ZBTB25: variants seen among roughly 807,000 people sequenced by gnomAD.
The protein encoded by ZBTB25 is zinc finger and BTB domain-containing protein 25.
A neutral mutation model predicts 34.2 loss-of-function variants in ZBTB25; 20 were observed. The observed-to-expected ratio is 0.58, with a 90% CI of 0.41 to 0.85. ZBTB25 has a LOEUF of 0.85. Ranked by LOEUF, ZBTB25 falls within the 40% of genes least tolerant of loss-of-function variation. The pLI is 0.00. For missense variants in ZBTB25, 437 were observed against 521.8 expected (o/e 0.84, Z 1.58); for synonymous variants, 175 against 186.4 (o/e 0.94, Z 0.50).
chr14:64,466,237 A>T (rs1327309549), intron 2 of ZBTB25, among the ~76,000 whole-genome samples: 2 of 152,222 alleles, frequency 1.3e-5, no homozygotes, highest in Non-Finnish European at 2.9e-5. Flanking sequence ...GCTGGTTAAG[A>T]GCGAATCATT....
At chr14:64,453,451 A>G (rs2078410848) in intron 2 of ZBTB25, among the ~76,000 whole-genome samples, 1 of 152,038 alleles carries the variant, frequency 6.6e-6, no homozygotes, top group Non-Finnish European at 1.5e-5. Flanking sequence ...CATGCCTATA[A>G]TCCCAGCTAC....
chr14:64,472,745 A>G (rs1347749043), intron 2 of ZBTB25: 1 of 166,822 alleles, frequency 6.0e-6, no homozygotes, highest in African/African-American at 2.4e-5. Flanking sequence ...TTATAGAAAT[A>G]TGCAGAAATC....
chr14:64,456,677 C>G (rs1470429264), intron 2 of ZBTB25, among the ~76,000 whole-genome samples: 1 of 152,214 alleles, frequency 6.6e-6, no homozygotes, highest in Non-Finnish European at 1.5e-5. Context: ...ATCCTTTCCT[C>G]TCTCCTACTT....
chr14:64,450,546 T>C (rs1375800898), intron 2 of ZBTB25, among the ~76,000 whole-genome samples: 1 of 152,248 alleles, frequency 6.6e-6, no homozygotes, highest in Non-Finnish European at 1.5e-5. Context: ...GTTCTTATTA[T>C]AGGGTTGTGT....
At chr14:64,475,841 G>A (rs117433871), downstream of ZBTB25, among the ~76,000 whole-genome samples, 255 of 152,288 alleles carry the variant, frequency 1.7e-3, no homozygotes, top group Non-Finnish European at 2.9e-3. Context: ...AACAATGGGA[G>A]CAGTGTCCAG....
Position 64,496,330 on chromosome 14 carries a change from A to C in ZBTB25, c.-7-5790T>G, listed in dbSNP as rs186575455. On this transcript the variant is annotated intron_variant, in intron 1 of 2. Coordinates refer to ENST00000608382, the MANE Select transcript of ZBTB25 (RefSeq NM_006977.5). ...AAACCCCGTCTCTACTAAAAATACA[A>C]AAAAAAAAGCTGGGCACAGTGGCGT... Among the ~76,000 whole-genome samples the C allele has an allele frequency of 7.2e-3, 1,075 of 150,064 alleles. 9 individuals are homozygous for C. Among genetic ancestry groups the C allele is most frequent in the African/African-American group, 0.025 (1,024 of 40,762 alleles).
intron 1 of ZBTB25, among the ~76,000 whole-genome samples, chr14:64,500,740 T>C (rs893277338): frequency 4.6e-5 from 7 of 150,668 alleles, no homozygotes; most frequent in Non-Finnish European, 1.5e-5. Flanking sequence ...CAAATGTCCA[T>C]GGATAGTCAA....
intron 2 of ZBTB25, chr14:64,468,799 G>A: frequency 6.2e-7 from 1 of 1,614,080 alleles, no homozygotes; most frequent in South Asian, 1.1e-5. Flanking sequence ...TCCCAAGAGG[G>A]CCAAAAAGGA....
chr14:64,453,143 T>G lies in ZBTB25; in HGVS notation c.174-3505A>C, dbSNP rs181780896. On this transcript the variant is annotated intron_variant, in intron 2 of 2. Transcript: ENST00000555220. Reference sequence around the variant, plus strand: ...CTTATGTAAGTATATATTTAAAACCTTAATATATATTAATATGTGTATCTA... The same window carrying G: ...CTTATGTAAGTATATATTTAAAACCGTAATATATATTAATATGTGTATCTA... 5.7e-4 allele frequency among the ~76,000 whole-genome samples: 86 copies of G among 152,128 alleles called. 2 individuals are homozygous for G. The East Asian group carries it at 0.016, about 29-fold the overall frequency.
chr14:64,488,201 G>C lies in ZBTB25; in HGVS notation c.174-144C>G, dbSNP rs1293077109. 3.9e-6 allele frequency: 5 copies of C among 1,295,498 alleles called. No homozygotes were observed. In the South Asian group the frequency reaches 4.7e-5, roughly 12 times the overall value. 80.3% of individuals were successfully genotyped at this position (1,295,498 alleles called of 1,614,324 possible). A position where few individuals can be genotyped will look rare whatever the true frequency, so the allele number is the denominator to read the frequency against. On this transcript the variant is annotated intron_variant, in intron 2 of 2. Transcript: ENST00000608382. ...GCCTTAATAAAACATGGCAACAAAG[G>C]CTTAAACTTTCATTTTATACCAACT...
rs2078801248 is a variant in ZBTB25 at position 64,482,036 on chromosome 14, CTA to C, written c.*4885_*4886del. On this transcript the variant is annotated 3_prime_UTR_variant, in exon 3 of 3. Transcript: ENST00000608382. ...TTAACGAAATTACACATTTTTCACACTATCTTTTTCCACGATTAATATGTATT... is the reference window on the plus strand; with the variant it reads ...TTAACGAAATTACACATTTTTCACACTCTTTTTCCACGATTAATATGTATT... 6.6e-6 allele frequency: 1 copy of C among 152,196 alleles called. No homozygotes were observed. Among genetic ancestry groups the C allele is most frequent in the Non-Finnish European group, 1.5e-5 (1 of 68,044 alleles). 9.4% of individuals were successfully genotyped at this position (152,196 alleles called of 1,614,324 possible).
chr14:64,457,347 A>G (rs905410998), intron 2 of ZBTB25, among the ~76,000 whole-genome samples: 9 of 152,192 alleles, frequency 5.9e-5, no homozygotes, highest in African/African-American at 2.2e-4. Flanking sequence ...TCATTCTTGT[A>G]AGGTGAAGGT....
At chr14:64,454,697 C>A (rs1457275401) in intron 2 of ZBTB25, 1 of 1,602,326 alleles carries the variant, frequency 6.2e-7, no homozygotes, top group Admixed American at 1.7e-5. Context: ...TTCATTTGTC[C>A]TCCCTCTCTT....
chr14:64,449,837 C>T (rs879495945), intron 2 of ZBTB25, among the ~76,000 whole-genome samples: 3 of 152,130 alleles, frequency 2.0e-5, no homozygotes, highest in Non-Finnish European at 4.4e-5. Context: ...TGCCCAGGCT[C>T]GAGTGCAGAG....
downstream of ZBTB25, among the ~76,000 whole-genome samples, chr14:64,475,668 G>C (rs937608996): frequency 6.6e-6 from 1 of 152,154 alleles, no homozygotes; most frequent in African/African-American, 2.4e-5. Flanking sequence ...AGGAAAGAGA[G>C]TATGCGTGTC....
chr14:64,461,451 AAC>A (rs1412974243), intron 2 of ZBTB25: 1 of 152,148 alleles, frequency 6.6e-6, no homozygotes, highest in African/African-American at 2.4e-5. Flanking sequence ...GAATTACTCA[AAC>A]ACATCATCTA....
downstream of ZBTB25, among the ~76,000 whole-genome samples, chr14:64,477,100 T>C (rs1182809581): frequency 6.6e-6 from 1 of 152,248 alleles, no homozygotes; most frequent in Non-Finnish European, 1.5e-5. Flanking sequence ...TCTATCTTAG[T>C]TTAATCCTGA....
At chr14:64,500,790 C>T (rs191004891) in intron 1 of ZBTB25, among the ~76,000 whole-genome samples, 22 of 152,256 alleles carry the variant, frequency 1.4e-4, no homozygotes, top group African/African-American at 5.1e-4. Context: ...GTGGCTCACA[C>T]CTATAATCCC....
chr14:64,449,378 C>CA (rs1377275377), exon 3 of ZBTB25: 13 of 1,574,748 alleles, frequency 8.3e-6, no homozygotes, highest in Non-Finnish European at 1.1e-5. Context: ...GGTTTAATGG[C>CA]AAAAAGAAGA....
Sources: gnomAD v4.1 joint callset for allele counts (sites outside exome capture counted in the v4.1 genomes callset) on GRCh38, gnomAD v4.1.1 for gene constraint, MANE v1.5 for transcripts, NCBI Gene and HGNC (gene_info 2026-07-23, HGNC 2026-07-21) for gene names.